MMP26: variants seen among roughly 807,000 people sequenced by gnomAD.
MMP26 encodes matrix metallopeptidase 26, also known as matrix metalloproteinase-26.
In MMP26, 33 loss-of-function variants were observed where a neutral mutation model predicts 31.0. That is an observed-to-expected ratio of 1.06 (90% confidence interval 0.81 to 1.42). The LOEUF (loss-of-function observed/expected upper bound fraction) is 1.42. MMP26 is among the 40% of genes most tolerant of loss of function. The probability of loss-of-function intolerance (pLI) is 0.00; values close to 1 mark genes in which losing one functional copy is unlikely to be tolerated. For missense variants in MMP26, 347 were observed against 316.1 expected (o/e 1.10, Z -0.74); for synonymous variants, 122 against 114.9 (o/e 1.06, Z -0.40).
At chr11:4,731,469 T>G (rs949695843) in intron 1 of MMP26, among the ~76,000 whole-genome samples, 1 of 152,206 alleles carries the variant, frequency 6.6e-6, no homozygotes, top group African/African-American at 2.4e-5. Flanking sequence ...TCCACTGGCA[T>G]AAGGACTACG....
intron 1 of MMP26, among the ~76,000 whole-genome samples, chr11:4,730,233 G>C (rs1848155510): frequency 6.6e-6 from 1 of 152,118 alleles, no homozygotes; most frequent in Admixed American, 6.5e-5. Context: ...CTGAGTTCCA[G>C]ATATAGTCTT....
intron 1 of MMP26, among the ~76,000 whole-genome samples, chr11:4,712,891 T>A (rs2133267072): frequency 6.6e-6 from 1 of 152,078 alleles, no homozygotes; most frequent in East Asian, 1.9e-4. Context: ...CATCCAATAC[T>A]ATGGTCTATA....
At chr11:4,753,538 T>C (rs559934793) in intron 1 of MMP26, among the ~76,000 whole-genome samples, 3 of 152,238 alleles carry the variant, frequency 2.0e-5, no homozygotes, top group Middle Eastern at 6.8e-3. Flanking sequence ...TTGCTCATAA[T>C]AGATATTCAG....
chr11:4,746,344 T>C (rs570845519), intron 1 of MMP26, among the ~76,000 whole-genome samples: 1 of 152,350 alleles, frequency 6.6e-6, no homozygotes, highest in South Asian at 2.1e-4. Flanking sequence ...TTGTGTTCTT[T>C]ATTGAGATTT....
chr11:4,900,537 T>G (rs1336051544), intron 2 of MMP26, among the ~76,000 whole-genome samples: 1 of 152,232 alleles, frequency 6.6e-6, no homozygotes, highest in African/African-American at 2.4e-5. Flanking sequence ...CCTGCCACTA[T>G]AGCTACTTCA....
chr11:4,959,899 C>T (rs2133619785), intron 2 of MMP26, among the ~76,000 whole-genome samples: 1 of 152,050 alleles, frequency 6.6e-6, no homozygotes, highest in East Asian at 1.9e-4. Flanking sequence ...TCATTTTTCT[C>T]CTATATCTTT....
Position 4,896,804 on chromosome 11 carries a change from A to G in MMP26, c.-144-91264A>G, listed in dbSNP as rs534398401. 2.6e-5 allele frequency among the ~76,000 whole-genome samples: 4 copies of G among 152,310 alleles called. No homozygotes were observed. The South Asian group carries it at 8.3e-4, about 32-fold the overall frequency. Reference sequence around the variant, plus strand: ...GTAACATTAAAAAAGAGGAGTGCTAAAAACTCAAAATCTGAATATGCTTTT... The same window carrying G: ...GTAACATTAAAAAAGAGGAGTGCTAGAAACTCAAAATCTGAATATGCTTTT... On this transcript the variant is annotated intron_variant, in intron 2 of 7. Transcript: ENST00000380390.
At chr11:4,795,287 G>A (rs367715026) in intron 2 of MMP26, 2 of 152,218 alleles carry the variant, frequency 1.3e-5, no homozygotes, top group African/African-American at 4.8e-5. Context: ...ACAAGAAGCA[G>A]GTGTGTGTTG....
chr11:4,907,095 T>TAAAAAAAAAAAAAAAAAAAAAAAAAA (rs3065178), intron 2 of MMP26, among the ~76,000 whole-genome samples: 4 of 55,120 alleles, frequency 7.3e-5, no homozygotes, highest in African/African-American at 2.6e-4. Flanking sequence ...AAACTCCCTC[T>TAAAAAAAAAAAAAAAAAAAAAAAAAA]AAAAAAAAAA....
intron 2 of MMP26, among the ~76,000 whole-genome samples, chr11:4,779,974 C>G (rs991771947): frequency 2.0e-5 from 3 of 152,054 alleles, no homozygotes; most frequent in African/African-American, 7.2e-5. Flanking sequence ...GTTTTTTACT[C>G]AATGTTGAAA....
At chr11:4,843,466 G>C (rs1376302856) in intron 2 of MMP26, among the ~76,000 whole-genome samples, 1 of 152,210 alleles carries the variant, frequency 6.6e-6, no homozygotes, top group South Asian at 2.1e-4. Flanking sequence ...GCTATGGCTT[G>C]GGACCTGCAC....
At chr11:4,849,322 T>C (rs1589918972) in intron 2 of MMP26, 1 of 1,101,640 alleles carries the variant, frequency 9.1e-7, no homozygotes, top group East Asian at 2.4e-5. Context: ...TTCCCTTCCC[T>C]GACTCATGCA....
chr11:4,914,899 G>C (rs964298553), intron 2 of MMP26: 2 of 1,614,032 alleles, frequency 1.2e-6, no homozygotes, highest in African/African-American at 2.7e-5. Context: ...GAGTGTAGAA[G>C]AGCAGCACAG....
chr11:4,780,512 A>C (rs2133431072), intron 2 of MMP26, among the ~76,000 whole-genome samples: 1 of 152,168 alleles, frequency 6.6e-6, no homozygotes, highest in East Asian at 1.9e-4. Flanking sequence ...TTTTTTCTCA[A>C]GATTATCTAT....
chr11:4,724,707 A>G (rs948732755), intron 1 of MMP26, among the ~76,000 whole-genome samples: 1 of 152,242 alleles, frequency 6.6e-6, no homozygotes, highest in African/African-American at 2.4e-5. Flanking sequence ...TGAATCCAAT[A>G]GAACAACTTC....
At chr11:4,802,241 A>C (rs1849193448) in intron 2 of MMP26, among the ~76,000 whole-genome samples, 1 of 152,224 alleles carries the variant, frequency 6.6e-6, no homozygotes, top group East Asian at 1.9e-4. Context: ...GAAATCATGC[A>C]AATTAGATGT....
intron 2 of MMP26, among the ~76,000 whole-genome samples, chr11:4,799,060 G>A (rs565424790): frequency 2.4e-4 from 37 of 152,238 alleles, no homozygotes; most frequent in African/African-American, 8.7e-4. Flanking sequence ...GAAAGGCACC[G>A]TGAGGTCTCT....
chr11:4,725,122 CT>C (rs1256955042), intron 1 of MMP26, among the ~76,000 whole-genome samples: 1 of 152,146 alleles, frequency 6.6e-6, no homozygotes, highest in Non-Finnish European at 1.5e-5. Context: ...GTGTTGTTCC[CT>C]TTTGCCTTCT....
chr11:4,855,481 G>C (rs188773582), intron 2 of MMP26, among the ~76,000 whole-genome samples: 1 of 152,080 alleles, frequency 6.6e-6, no homozygotes, highest in Non-Finnish European at 1.5e-5. Context: ...AGTGATTGAA[G>C]ATCAAATCAA....
Sources: allele counts gnomAD v4.1 joint callset (sites outside exome capture counted in the v4.1 genomes callset), GRCh38; gene constraint gnomAD v4.1.1; transcripts MANE v1.5; gene names NCBI Gene and HGNC (gene_info 2026-07-23, HGNC 2026-07-21).